The following PRKCE variants were observed in gnomAD, a reference collection of about 807,000 sequenced individuals.
The protein encoded by PRKCE is protein kinase C epsilon type.
PRKCE carries 16 observed loss-of-function variants against 85.4 expected under a neutral mutation model. That is an observed-to-expected ratio of 0.19 (90% confidence interval 0.13 to 0.28). The LOEUF is 0.28. Among genes scored for constraint, PRKCE ranks in the 10% least tolerant of loss-of-function variants. The pLI, the probability that PRKCE is intolerant of heterozygous loss-of-function variation, is 1.00. For missense variants in PRKCE, 573 were observed against 975.2 expected (o/e 0.59, Z 5.49); for synonymous variants, 388 against 371.5 (o/e 1.04, Z -0.51).
intron 1 of PRKCE, among the ~76,000 whole-genome samples, chr2:45,746,420 G>T (rs957873852): frequency 2.6e-5 from 4 of 152,156 alleles, no homozygotes; most frequent in Non-Finnish European, 5.9e-5. Context: ...CATAGTGGGT[G>T]CTCAAAATAT....
chr2:46,115,381 G>A (rs1672668557), intron 11 of PRKCE, among the ~76,000 whole-genome samples: 1 of 152,146 alleles, frequency 6.6e-6, no homozygotes. Flanking sequence ...ACAAAGAGAA[G>A]CACATCTCAT....
chr2:45,890,008 A>G (rs895540397), intron 2 of PRKCE, among the ~76,000 whole-genome samples: 4 of 152,162 alleles, frequency 2.6e-5, no homozygotes, highest in Non-Finnish European at 4.4e-5. Flanking sequence ...GTTTAGCATT[A>G]TTACTGAATC....
intron 2 of PRKCE, among the ~76,000 whole-genome samples, chr2:45,925,217 T>C (rs947546079): frequency 2.6e-5 from 4 of 152,178 alleles, no homozygotes; most frequent in African/African-American, 9.7e-5. Flanking sequence ...TGTTCCCCTT[T>C]CCTTTCCTAA....
intron 1 of PRKCE, among the ~76,000 whole-genome samples, chr2:45,672,136 T>A (rs1676199231): frequency 6.6e-6 from 1 of 151,816 alleles, no homozygotes; most frequent in African/African-American, 2.4e-5. Context: ...TAAACAGGTT[T>A]CCTGATTCCT....
chr2:46,051,365 G>A (rs771472747), intron 10 of PRKCE, among the ~76,000 whole-genome samples: 8 of 152,206 alleles, frequency 5.3e-5, no homozygotes, highest in Non-Finnish European at 8.8e-5. Context: ...ATCTGTGACT[G>A]TGAAGGTGGG....
At chr2:45,732,904 A>G (rs914648695) in intron 1 of PRKCE, among the ~76,000 whole-genome samples, 3 of 152,240 alleles carry the variant, frequency 2.0e-5, no homozygotes, top group Non-Finnish European at 4.4e-5. Context: ...AAATCGTTAT[A>G]ATTAATGGAT....
chr2:45,772,011 T>A (rs931386429), intron 1 of PRKCE, among the ~76,000 whole-genome samples: 1 of 152,114 alleles, frequency 6.6e-6, no homozygotes, highest in African/African-American at 2.4e-5. Context: ...CCTTCTCATA[T>A]CATTTCATGC....
At chr2:46,010,568 CA>C in intron 10 of PRKCE, 51 bp downstream of exon 10, 1 of 1,597,616 alleles carries the variant, frequency 6.3e-7, no homozygotes, top group Non-Finnish European at 8.5e-7. Flanking sequence ...TCTTGACTAT[CA>C]GATAAAATAC....
At chr2:45,777,973 C>G (rs905887811) in intron 1 of PRKCE, among the ~76,000 whole-genome samples, 12 of 152,152 alleles carry the variant, frequency 7.9e-5, no homozygotes, top group African/African-American at 2.7e-4. Context: ...GAAGACTTGG[C>G]ACCGAGTCTG....
chr2:45,686,540 G>A (rs1391920279), intron 1 of PRKCE, among the ~76,000 whole-genome samples: 2 of 152,060 alleles, frequency 1.3e-5, no homozygotes, highest in African/African-American at 4.8e-5. Context: ...ACAGTGAGGT[G>A]GCTTGACATA....
intron 1 of PRKCE, among the ~76,000 whole-genome samples, chr2:45,762,923 G>A (rs1684623563): frequency 6.7e-6 from 1 of 149,004 alleles, no homozygotes; most frequent in African/African-American, 2.5e-5. Context: ...TGTCTCTTGA[G>A]GTGTTCTTTC....
chr2:45,682,027 G>T (rs1264717021), intron 1 of PRKCE, among the ~76,000 whole-genome samples: 1 of 152,056 alleles, frequency 6.6e-6, no homozygotes, highest in Non-Finnish European at 1.5e-5. Context: ...AGTAAACTTG[G>T]TTTTTATTTT....
At chr2:45,791,437 C>T (rs1213110394) in intron 1 of PRKCE, among the ~76,000 whole-genome samples, 3 of 152,182 alleles carry the variant, frequency 2.0e-5, no homozygotes, top group Non-Finnish European at 4.4e-5. Flanking sequence ...GGCCTTGCCC[C>T]CTTCTAGTTT....
At chr2:45,678,436 A>T (rs757002104) in intron 1 of PRKCE, among the ~76,000 whole-genome samples, 11 of 152,252 alleles carry the variant, frequency 7.2e-5, no homozygotes, top group Non-Finnish European at 1.5e-4. Flanking sequence ...ATTGTCTTGC[A>T]ACTGCTGTTG....
intron 1 of PRKCE, among the ~76,000 whole-genome samples, chr2:45,763,680 C>G (rs1684693849): frequency 6.6e-6 from 1 of 152,168 alleles, no homozygotes; most frequent in South Asian, 2.1e-4. Flanking sequence ...CCTCCGCTGT[C>G]TTTTGCTGCC....
chr2:45,803,961 G>T (rs979581988), intron 1 of PRKCE, among the ~76,000 whole-genome samples: 1 of 152,176 alleles, frequency 6.6e-6, no homozygotes, highest in African/African-American at 2.4e-5. Context: ...CCTTATCCCT[G>T]CCCCATCCAG....
chr2:45,848,492 G>C (rs916841147), intron 2 of PRKCE, among the ~76,000 whole-genome samples: 7 of 152,060 alleles, frequency 4.6e-5, no homozygotes, highest in Admixed American at 2.6e-4. Flanking sequence ...TGTATTTTTA[G>C]TAGAGACAGG....
intron 1 of PRKCE, among the ~76,000 whole-genome samples, chr2:45,830,252 G>A (rs12712951): frequency 0.61 from 93,122 of 151,428 alleles, 29,551 homozygotes; most frequent in African/African-American, 0.77. Context: ...ACATGGGGCT[G>A]CAATTCTTAG....
At chr2:45,740,514 G>A (rs1045510739) in intron 1 of PRKCE, among the ~76,000 whole-genome samples, 1 of 151,930 alleles carries the variant, frequency 6.6e-6, no homozygotes, top group African/African-American at 2.4e-5. Context: ...CACCTGACAC[G>A]TTCTTTAGGC....
Sources: gnomAD v4.1 joint callset for allele counts (sites outside exome capture counted in the v4.1 genomes callset) on GRCh38, gnomAD v4.1.1 for gene constraint, MANE v1.5 for transcripts, NCBI Gene and HGNC (gene_info 2026-07-23, HGNC 2026-07-21) for gene names.